LPA: variants seen among roughly 807,000 people sequenced by gnomAD.
The protein encoded by LPA is apolipoprotein(a).
LPA carries 199 observed loss-of-function variants against 197.9 expected under a neutral mutation model. The ratio of observed to expected loss-of-function variants is 1.01; its 90% confidence interval spans 0.90 to 1.13. LPA has a LOEUF of 1.13. LPA is among the 50% of genes most tolerant of loss of function. LPA has a pLI of 0.00. For synonymous variants in LPA, 715 were observed against 639.5 expected (o/e 1.12, Z -1.78); for missense variants, 1,853 against 1,785.8 (o/e 1.04, Z -0.68).
At chr6:160,662,053 C>G (rs889418954) in intron 1 of LPA, among the ~76,000 whole-genome samples, 15 of 152,168 alleles carry the variant, frequency 9.9e-5, no homozygotes, top group Non-Finnish European at 2.1e-4. Context: ...CTCCCCAGCT[C>G]ATGTTGCTAG....
intron 2 of LPA, among the ~76,000 whole-genome samples, chr6:160,648,288 C>G (rs545624978): frequency 1.4e-4 from 22 of 152,182 alleles, no homozygotes; most frequent in African/African-American, 5.3e-4. Context: ...TGTCTTTGCC[C>G]TCTGACAGTT....
chr6:160,555,711 G>A (rs1041380062), intron 30 of LPA, among the ~76,000 whole-genome samples: 2 of 151,966 alleles, frequency 1.3e-5, no homozygotes, highest in African/African-American at 4.8e-5. Context: ...GGGTGAAAGA[G>A]TGCATTGATC....
chr6:160,610,158 G>A (rs1325554972), intron 16 of LPA, among the ~76,000 whole-genome samples: 3 of 152,120 alleles, frequency 2.0e-5, no homozygotes, highest in Non-Finnish European at 2.9e-5. Flanking sequence ...TGGATCACAC[G>A]AAATTCTTTT....
intron 17 of LPA, among the ~76,000 whole-genome samples, chr6:160,605,596 G>T (rs773000585): frequency 6.6e-6 from 1 of 152,156 alleles, no homozygotes; most frequent in African/African-American, 2.4e-5. Context: ...CGATGCATTT[G>T]GGGGTACAGG....
chr6:160,589,453 G>A, intron 24 of LPA, 100 bp downstream of exon 24: 1 of 1,388,846 alleles, frequency 7.2e-7, no homozygotes, highest in South Asian at 1.2e-5. Context: ...TTCTGGGTCT[G>A]AGAGAAATTG....
At chr6:160,588,622 A>T (rs1040500398) in intron 24 of LPA, among the ~76,000 whole-genome samples, 9 of 151,972 alleles carry the variant, frequency 5.9e-5, no homozygotes, top group African/African-American at 1.9e-4. Context: ...CCTTGAGGAG[A>T]CTTCTGTGTG....
At chr6:160,553,486 TGTC>T (rs1045323433) in intron 30 of LPA, among the ~76,000 whole-genome samples, 8 of 152,210 alleles carry the variant, frequency 5.3e-5, no homozygotes, top group Non-Finnish European at 8.8e-5. Context: ...TGGCTGGACA[TGTC>T]GTCCTAGGTT....
intron 26 of LPA, among the ~76,000 whole-genome samples, chr6:160,584,183 TTCTTCTTCTTC>T (rs1461382440): frequency 1.8e-5 from 1 of 57,084 alleles, no homozygotes; most frequent in Non-Finnish European, 3.1e-5. Flanking sequence ...CTTCTTCTTC[TTCTTCTTCTTC>T]TTCTTCTTCT....
chr6:160,568,042 G>A (rs914319464), intron 28 of LPA, among the ~76,000 whole-genome samples: 2 of 151,956 alleles, frequency 1.3e-5, no homozygotes, highest in African/African-American at 2.4e-5. Flanking sequence ...GAGATTCATA[G>A]CCGAATTCTA....
chr6:160,650,607 C>T, intron 1 of LPA, 110 bp from the exon 2 acceptor site: 1 of 1,069,464 alleles, frequency 9.4e-7, no homozygotes, highest in East Asian at 2.4e-5. Flanking sequence ...CGACCATTCT[C>T]TTCTCTTGAT....
chr6:160,583,909 CT>C (rs1311083696), intron 26 of LPA, among the ~76,000 whole-genome samples: 1 of 152,194 alleles, frequency 6.6e-6, no homozygotes, highest in Non-Finnish European at 1.5e-5. Context: ...GTTGTACTGT[CT>C]GCTGTTCAAC....
At chr6:160,558,396 A>G (rs1778305775) in intron 28 of LPA, among the ~76,000 whole-genome samples, 1 of 152,218 alleles carries the variant, frequency 6.6e-6, no homozygotes, top group African/African-American at 2.4e-5. Flanking sequence ...CAGTGTAGCT[A>G]AAAGGCTCTA....
In LPA at chr6:160,557,389, C is replaced by G; in HGVS notation, c.4813+1G>C. On this transcript the variant is annotated splice_donor_variant, in intron 29 of 38. Transcript: ENST00000316300. LOFTEE classifies it high-confidence loss of function. The stretch of plus-strand genomic sequence containing the variant: ...TAGATATCTGGCCACAGACTTCTTA[C>G]CTGCTTCAGAATGAGCCTCCATGCT... 1 of 1,611,356 alleles carries G rather than the reference C, an allele frequency of 6.2e-7. No individual in the cohort carries two copies. The highest frequency in any genetic ancestry group is 8.5e-7 in the Non-Finnish European group (1 of 1,178,908).
rs571860807 is a variant in LPA at position 160,567,141 on chromosome 6, G to T, written c.4632-9570C>A. 3.3e-5 allele frequency among the ~76,000 whole-genome samples: 5 copies of T among 152,280 alleles called. No individual in the cohort carries two copies. The East Asian group carries it at 9.7e-4, about 29-fold the overall frequency. ...ATTGAACTCAGCTCTGCACCAAGCA[G>T]ACCTAATAGACATCTACAGAACTCT... On this transcript the variant is annotated intron_variant, in intron 28 of 38. Transcript: ENST00000316300.
chr6:160,647,429 G>A (rs1259066125), intron 2 of LPA, among the ~76,000 whole-genome samples: 1 of 152,072 alleles, frequency 6.6e-6, no homozygotes, highest in Admixed American at 6.5e-5. Context: ...GGGCCATGGG[G>A]ATCCAACATT....
intron 27 of LPA, among the ~76,000 whole-genome samples, chr6:160,577,819 A>C (rs1177863234): frequency 6.6e-6 from 1 of 152,228 alleles, no homozygotes; most frequent in Non-Finnish European, 1.5e-5. Context: ...CAAACAACTT[A>C]TTCCCTTGGA....
intron 17 of LPA, among the ~76,000 whole-genome samples, chr6:160,605,568 G>T (rs1779332028): frequency 6.6e-6 from 1 of 152,314 alleles, no homozygotes; most frequent in Non-Finnish European, 1.5e-5. Flanking sequence ...GGACTATGGG[G>T]CAGCAAACAG....
chr6:160,573,409 A>C (rs192582039), intron 28 of LPA, among the ~76,000 whole-genome samples: 2 of 151,006 alleles, frequency 1.3e-5, no homozygotes, highest in Non-Finnish European at 1.5e-5. Context: ...TGATTAGCTT[A>C]ATAACTAACC....
intron 24 of LPA, 137 bp downstream of exon 24, chr6:160,589,416 A>G: frequency 9.6e-7 from 1 of 1,038,078 alleles, no homozygotes; most frequent in Non-Finnish European, 1.5e-6. Flanking sequence ...TGCCCAAAGC[A>G]AGAAGCCTGA....
Sources: allele counts gnomAD v4.1 joint callset (sites outside exome capture counted in the v4.1 genomes callset), GRCh38; gene constraint gnomAD v4.1.1; transcripts MANE v1.5; gene names NCBI Gene and HGNC (gene_info 2026-07-23, HGNC 2026-07-21).